The following ADAM19 variants were observed in gnomAD, a reference collection of about 807,000 sequenced individuals.
The protein encoded by ADAM19 is disintegrin and metalloproteinase domain-containing protein 19.
In ADAM19, 65 loss-of-function variants were observed where a neutral mutation model predicts 114.7. The observed-to-expected ratio is 0.57, with a 90% CI of 0.46 to 0.70. The LOEUF (loss-of-function observed/expected upper bound fraction) is 0.70, where lower values mean the gene tolerates loss of function less well. Among genes scored for constraint, ADAM19 ranks in the 30% least tolerant of loss-of-function variants. The pLI, the probability that ADAM19 is intolerant of heterozygous loss-of-function variation, is 0.00. For missense variants in ADAM19, 1,063 were observed against 1,204.7 expected (o/e 0.88, Z 1.74); for synonymous variants, 466 against 460.5 (o/e 1.01, Z -0.15).
intron 1 of ADAM19, chr5:157,572,282 G>A (rs1295119560): frequency 2.2e-6 from 1 of 456,148 alleles, no homozygotes; most frequent in Non-Finnish European, 4.4e-6. Flanking sequence ...GAGACTGGGA[G>A]GAGTCCTGTT....
intron 3 of ADAM19, among the ~76,000 whole-genome samples, chr5:157,547,453 G>C (rs1757079568): frequency 6.6e-6 from 1 of 152,204 alleles, no homozygotes; most frequent in African/African-American, 2.4e-5. Flanking sequence ...AAAAGGGCTT[G>C]AGGCTGCAAG....
At chr5:157,523,404 G>A (rs548395092) in intron 5 of ADAM19, among the ~76,000 whole-genome samples, 1 of 152,360 alleles carries the variant, frequency 6.6e-6, no homozygotes, top group East Asian at 1.9e-4. Flanking sequence ...CTGGTAGGAG[G>A]TGTTAGGGTC....
intron 2 of ADAM19, chr5:157,568,521 C>CTCCTATGA (rs1230260033): frequency 1.3e-5 from 2 of 152,190 alleles, no homozygotes; most frequent in Non-Finnish European, 2.9e-5. Flanking sequence ...CTATGAAGTA[C>CTCCTATGA]AGTAAGCTGA....
chr5:157,566,567 G>A (rs1757668678), intron 2 of ADAM19: 2 of 152,110 alleles, frequency 1.3e-5, no homozygotes, highest in Non-Finnish European at 2.9e-5. Flanking sequence ...TTCAACTTAA[G>A]GCTACTGAAC....
chr5:157,538,501 C>T (rs1756828176), intron 3 of ADAM19, among the ~76,000 whole-genome samples: 1 of 152,220 alleles, frequency 6.6e-6, no homozygotes, highest in African/African-American at 2.4e-5. Context: ...TCAAGCGAAG[C>T]CAGTGGAGAG....
At chr5:157,503,355 G>A (rs1272286126) in intron 11 of ADAM19, among the ~76,000 whole-genome samples, 3 of 152,164 alleles carry the variant, frequency 2.0e-5, no homozygotes, top group Non-Finnish European at 4.4e-5. Context: ...GGTAGCAAGA[G>A]GCGGGGAGGG....
chr5:157,495,454 A>G (rs1755329780), intron 14 of ADAM19, among the ~76,000 whole-genome samples: 1 of 152,260 alleles, frequency 6.6e-6, no homozygotes, highest in African/African-American at 2.4e-5. Flanking sequence ...AGATATAAGT[A>G]TGTCTTGGAA....
intron 3 of ADAM19, among the ~76,000 whole-genome samples, chr5:157,561,633 C>T (rs950683433): frequency 7.2e-5 from 11 of 152,056 alleles, no homozygotes; most frequent in Non-Finnish European, 1.5e-4. Context: ...ACCCATATGG[C>T]TCACTCCATC....
chr5:157,498,627 T>C (rs1755441618), intron 13 of ADAM19, among the ~76,000 whole-genome samples: 1 of 151,842 alleles, frequency 6.6e-6, no homozygotes, highest in African/African-American at 2.4e-5. Flanking sequence ...AGAAAGCAGA[T>C]ATTGTAATAC....
Position 157,489,158 on chromosome 5 carries a change from C to G in ADAM19, c.2269G>C (p.Gly757Arg), listed in dbSNP as rs768236748. Residue 757 changes from glycine to arginine, a missense_variant, in exon 20 of 23, where the codon GGG (glycine) becomes CGG (arginine). Coordinates refer to ENST00000257527, the MANE Select transcript of ADAM19 (RefSeq NM_033274.5). The stretch of plus-strand genomic sequence containing the variant: ...AAAGTTGGGTTGGCATGACCAGTCC[C>G]GCTGTTCTGAGAAACCCTGAAGGGA... ...SCPFRVSQNS[G>R]TGHANPTFKL... 3 of 1,614,038 alleles carry G rather than the reference C, an allele frequency of 1.9e-6. No homozygotes were observed. The highest frequency in any genetic ancestry group is 1.7e-5 in the Admixed American group (1 of 60,014).
intron 4 of ADAM19, among the ~76,000 whole-genome samples, chr5:157,536,217 T>C (rs1756759429): frequency 6.6e-6 from 1 of 152,164 alleles, no homozygotes; most frequent in Non-Finnish European, 1.5e-5. Context: ...TCAAAAACTG[T>C]GGCCGGGCAC....
chr5:157,528,352 C>T (rs1227413383), intron 5 of ADAM19, among the ~76,000 whole-genome samples: 1 of 152,218 alleles, frequency 6.6e-6, no homozygotes, highest in African/African-American at 2.4e-5. Flanking sequence ...GAATGATTTA[C>T]AAGACGCCAA....
intron 5 of ADAM19, among the ~76,000 whole-genome samples, chr5:157,530,147 G>T (rs1756584167): frequency 6.6e-6 from 1 of 152,150 alleles, no homozygotes; most frequent in South Asian, 2.1e-4. Context: ...TCCTAGAGAT[G>T]GTCAACAATT....
At chr5:157,541,777 C>T (rs1208505215) in intron 3 of ADAM19, among the ~76,000 whole-genome samples, 2 of 152,164 alleles carry the variant, frequency 1.3e-5, no homozygotes, top group East Asian at 1.9e-4. Flanking sequence ...TTTCAAATGC[C>T]TCTCTAGGCT....
intron 22 of ADAM19, 138 bp from the exon 23 acceptor site, chr5:157,481,140 C>T (rs564606417): frequency 3.5e-4 from 393 of 1,118,048 alleles, no homozygotes; most frequent in Non-Finnish European, 2.9e-4. Context: ...GAAGTCCATC[C>T]ATGTGTCCAC....
intron 1 of ADAM19, among the ~76,000 whole-genome samples, chr5:157,575,233 G>A (rs917625731): frequency 1.3e-5 from 2 of 152,232 alleles, no homozygotes; most frequent in Non-Finnish European, 1.5e-5. Flanking sequence ...GGGCGGTAGA[G>A]AGAAAGACAG....
intron 3 of ADAM19, among the ~76,000 whole-genome samples, chr5:157,546,042 G>A (rs1757038971): frequency 6.6e-6 from 1 of 152,240 alleles, no homozygotes; most frequent in Non-Finnish European, 1.5e-5. Flanking sequence ...GTGATGTGCA[G>A]GCACTATGCT....
rs527940512 is a variant in ADAM19 at position 157,518,327 on chromosome 5, G to A, written c.666+496C>T. Among the ~76,000 whole-genome samples the A allele has an allele frequency of 7.6e-4, 115 of 150,732 alleles. 1 individual carries two copies. The highest frequency in any genetic ancestry group is 3.4e-3 in the Middle Eastern group (1 of 294). Reference sequence around the variant, plus strand: ...GTGTGGAGGTGGGGGAGGAAGGGGCGGGGGGAGTTGGGGGAGTTCCCCCCA... The same window carrying A: ...GTGTGGAGGTGGGGGAGGAAGGGGCAGGGGGAGTTGGGGGAGTTCCCCCCA... On this transcript the variant is annotated intron_variant, in intron 7 of 22. Transcript: ENST00000257527.
intron 13 of ADAM19, among the ~76,000 whole-genome samples, chr5:157,497,398 T>A (rs1379095765): frequency 6.6e-6 from 1 of 152,238 alleles, no homozygotes; most frequent in African/African-American, 2.4e-5. Context: ...GCAGCTACTT[T>A]TATGCAGCTC....
Sources: gnomAD v4.1 joint callset for allele counts (sites outside exome capture counted in the v4.1 genomes callset) on GRCh38, gnomAD v4.1.1 for gene constraint, MANE v1.5 for transcripts, NCBI Gene and HGNC (gene_info 2026-07-23, HGNC 2026-07-21) for gene names.